The following WBP11 variants were observed in gnomAD, a reference collection of about 807,000 sequenced individuals.
WBP11 encodes WW domain-binding protein 11.
Under a neutral mutation model 66.7 loss-of-function variants are expected in WBP11, and 12 were observed. The observed-to-expected ratio is 0.18, with a 90% CI of 0.12 to 0.29. WBP11 has a LOEUF of 0.29. Among genes scored for constraint, WBP11 ranks in the 10% least tolerant of loss-of-function variants. The pLI, the probability that WBP11 is intolerant of heterozygous loss-of-function variation, is 1.00. For missense variants in WBP11, 555 were observed against 818.3 expected, an observed-to-expected ratio of 0.68 and a Z score of 3.93; for synonymous variants, 255 against 273.8, an observed-to-expected ratio of 0.93 and a Z score of 0.68.
intron 3 of WBP11, 27 bp downstream of exon 3, chr12:14,800,725 T>A (rs1473798694): frequency 6.3e-7 from 1 of 1,591,850 alleles, no homozygotes; most frequent in East Asian, 2.3e-5. Context: ...ATACTTAAAG[T>A]TTTATAAGAT....
intron 11 of WBP11, 23 bp downstream of exon 11, chr12:14,788,927 TA>T: frequency 1.5e-6 from 2 of 1,355,682 alleles, no homozygotes; most frequent in African/African-American, 3.0e-5. Context: ...GCTAAGTTTT[TA>T]TTATAGAAAT....
intron 6 of WBP11, 83 bp from the exon 7 acceptor site, chr12:14,794,819 A>T (rs968814363): frequency 1.3e-6 from 2 of 1,536,768 alleles, no homozygotes; most frequent in Admixed American, 2.1e-5. Context: ...TCTTCTAAAC[A>T]ATTTTCAAGG....
rs11056187 is a variant in WBP11, at chr12:14,788,270, G to T, written c.1492+681C>A. Among the ~76,000 whole-genome samples the T allele has an allele frequency of 5.9e-5, 9 of 152,192 alleles. No individual in the cohort carries two copies. In the East Asian group the frequency reaches 1.7e-3, roughly 29 times the overall value. ...AAAAAACAATGCACATGGAGTAAGA[G>T]AATGCAACTAATCACAATCTGTCAT... On this transcript the variant is annotated intron_variant, in intron 11 of 11. Transcript: ENST00000261167.
intron 8 of WBP11, among the ~76,000 whole-genome samples, chr12:14,792,361 T>C (rs1949830397): frequency 6.6e-6 from 1 of 152,226 alleles, no homozygotes; most frequent in Non-Finnish European, 1.5e-5. Flanking sequence ...TATTTTTAGT[T>C]GGTAAACATT....
chr12:14,793,873 G>A lies in WBP11; in HGVS notation c.771C>T (p.Gly257=). 1 of 1,613,612 alleles carries A rather than the reference G, an allele frequency of 6.2e-7. No individual in the cohort carries two copies. ...DDVSSTSEDD[G]YPEDMDQDKH... The stretch of plus-strand genomic sequence containing the variant: ...TATCTTGATCCATGTCCTCAGGATA[G>A]CCATCATCTTCACTGGTGCTAGAAA... Residue 257 remains glycine, a synonymous_variant, in exon 8 of 12, where the codon GGC becomes GGT. Coordinates refer to ENST00000261167, the MANE Select transcript of WBP11 (RefSeq NM_016312.3).
At chr12:14,801,506 G>GA (rs1156853143) in intron 1 of WBP11, 78 bp from the exon 2 acceptor site, 54 of 907,376 alleles carry the variant, frequency 6.0e-5, no homozygotes, top group East Asian at 2.5e-4. Context: ...ACCAATCTCT[G>GA]AAAAAAAATT....
chr12:14,800,473 G>C (rs1312968533), intron 3 of WBP11, among the ~76,000 whole-genome samples: 1 of 151,886 alleles, frequency 6.6e-6, no homozygotes, highest in Non-Finnish European at 1.5e-5. Context: ...AAACAGTTAT[G>C]TTTTAATGAG....
chr12:14,801,294 A>T (rs1221000312), intron 2 of WBP11, 26 bp downstream of exon 2: 1 of 1,610,444 alleles, frequency 6.2e-7, no homozygotes, highest in Admixed American at 1.7e-5. Context: ...CTCCTACTTC[A>T]TCATTCCACA....
At chr12:14,802,435 C>T (rs1235157783) in intron 1 of WBP11, among the ~76,000 whole-genome samples, 1 of 152,184 alleles carries the variant, frequency 6.6e-6, no homozygotes, top group African/African-American at 2.4e-5. Context: ...TTTCAGAAAG[C>T]CAGATGTTTC....
chr12:14,790,470 G>A lies in WBP11; in HGVS notation c.1295C>T (p.Pro432Leu). ...TAAGTGTTTACCTGGAGGTGGACCA[G>A]GAGGAAGGCCTGTAGGTGGCCCAGG... ...RPPGPPTGLPPGPPPGAPPFL... is the reference protein window; with the variant it reads ...RPPGPPTGLPLGPPPGAPPFL... Residue 432 changes from proline to leucine, a missense_variant, in exon 10 of 12, where the codon CCT (proline) becomes CTT (leucine). By Grantham distance (98) the Pro-to-Leu change is moderately conservative. Around this residue, in one of 6 missense-constraint regions of WBP11, gnomAD observed 230 missense variants for 286.3 expected, o/e 0.80. Transcript: ENST00000261167. The A allele has an allele frequency of 6.2e-7, 1 of 1,613,842 alleles. No individual in the cohort carries two copies. Among genetic ancestry groups the A allele is most frequent in the South Asian group, 1.1e-5 (1 of 91,078 alleles).
rs369728148 is a variant in WBP11 at position 14,799,595 on chromosome 12, C to T, written c.190+40G>A. 6.7e-5 allele frequency: 106 copies of T among 1,585,388 alleles called. No homozygotes were observed. In the South Asian group the frequency reaches 8.0e-4, roughly 12 times the overall value. On this transcript the variant is annotated intron_variant, in intron 4 of 11. Transcript: ENST00000261167. ...CACTCGTTACCTGCCTGCCTCTGTA[C>T]GTGTCAGACTGTTATAGCTGCCTGT... is the stretch of plus-strand genomic sequence containing the variant.
At chr12:14,801,248 G>A (rs1264243173) in intron 2 of WBP11, 72 bp downstream of exon 2, 3 of 1,470,508 alleles carry the variant, frequency 2.0e-6, no homozygotes, top group Non-Finnish European at 1.9e-6. Context: ...AAGCCACAGA[G>A]AAAGAAATTC....
intron 2 of WBP11, 56 bp downstream of exon 2, chr12:14,801,264 T>C (rs766855181): frequency 4.2e-5 from 65 of 1,558,032 alleles, no homozygotes; most frequent in Non-Finnish European, 5.7e-5. Flanking sequence ...AATTCCCTAA[T>C]ATTTGCAATT....
At position 14,796,923 on chromosome 12, in the gene WBP11, G is replaced by A. The variant is rs761084864; in HGVS notation, c.271C>T (p.Arg91Cys). 2.5e-6 allele frequency: 4 copies of A among 1,611,374 alleles called. No homozygotes were observed. Among genetic ancestry groups the A allele is most frequent in the East Asian group, 2.2e-5 (1 of 44,780 alleles). Residue 91 changes from arginine to cysteine, a missense_variant, in exon 5 of 12, where the codon CGT becomes TGT. Physicochemically the swap from Arg to Cys is radical, Grantham distance 180 (BLOSUM62 -3). This residue lies in a region of WBP11 where 43 missense variants were observed against 142.1 expected (regional missense o/e 0.30). Coordinates refer to ENST00000261167, the MANE Select transcript of WBP11 (RefSeq NM_016312.3). This position sits in a 1 kb window ranked among gnomAD's most constrained non-coding sequence, Gnocchi z 4.5. Reference protein sequence around the residue: ...KRKKLRETFERILRLYEKENP... With the variant: ...KRKKLRETFECILRLYEKENP... ...TCTTTTTCATAGAGTCGTAGAATAC[G>A]TTCAAAGGTTTCACGCAGCTTTTTA...
intron 1 of WBP11, chr12:14,802,058 G>A (rs1949970910): frequency 6.6e-6 from 1 of 152,126 alleles, no homozygotes; most frequent in Non-Finnish European, 1.5e-5. Context: ...TTTGAAATTA[G>A]TGCTATACTG....
At chr12:14,794,810 C>T (rs1250737404) in intron 6 of WBP11, 74 bp from the exon 7 acceptor site, 7 of 1,534,378 alleles carry the variant, frequency 4.6e-6, no homozygotes, top group Admixed American at 2.2e-5. Flanking sequence ...TTTATTTTCT[C>T]TTCTAAACAA....
rs1433404485 is a variant in WBP11, at chr12:14,790,445, T to G, written c.1309+11A>C. 4.3e-6 allele frequency: 7 copies of G among 1,612,774 alleles called. No individual in the cohort carries two copies. The highest frequency in any genetic ancestry group is 1.3e-5 in the African/African-American group (1 of 75,002). ...TCATTTAAACTTTATTCACATTATGTAAGTGTTTACCTGGAGGTGGACCAG... is the reference window on the plus strand; with the variant it reads ...TCATTTAAACTTTATTCACATTATGGAAGTGTTTACCTGGAGGTGGACCAG... On this transcript the variant is annotated intron_variant, in intron 10 of 11. Transcript: ENST00000261167.
At chr12:14,803,013 G>A (rs1276137589) in intron 1 of WBP11, among the ~76,000 whole-genome samples, 1 of 152,208 alleles carries the variant, frequency 6.6e-6, no homozygotes, top group Non-Finnish European at 1.5e-5. Flanking sequence ...AAGCTTCAAT[G>A]GGATAGGGTC....
intron 4 of WBP11, among the ~76,000 whole-genome samples, chr12:14,798,746 ACT>A (rs1388993509): frequency 6.6e-6 from 1 of 151,882 alleles, no homozygotes; most frequent in Non-Finnish European, 1.5e-5. Context: ...TTTACTTACT[ACT>A]CTGTTTTTGG....
Sources: allele counts gnomAD v4.1 joint callset (sites outside exome capture counted in the v4.1 genomes callset), GRCh38; gene constraint gnomAD v4.1.1; regional missense constraint gnomAD v4.1.1; non-coding constraint Gnocchi (gnomAD v3.1); transcripts MANE v1.5; gene names NCBI Gene and HGNC (gene_info 2026-07-23, HGNC 2026-07-21).